KIAA1671: variants seen among roughly 807,000 people sequenced by gnomAD.
KIAA1671 encodes the protein uncharacterized protein KIAA1671.
In KIAA1671, 52 loss-of-function variants were observed where a neutral mutation model predicts 131.2. The observed-to-expected ratio is 0.40, with a 90% CI of 0.32 to 0.50. KIAA1671 has a LOEUF of 0.50. Ranked by LOEUF, KIAA1671 falls within the 20% of genes least tolerant of loss-of-function variation. The pLI is 0.73. For synonymous variants in KIAA1671, 1,003 were observed against 961.6 expected, an observed-to-expected ratio of 1.04 and a Z score of -0.80; for missense variants, 2,360 against 2,364.2, an observed-to-expected ratio of 1.00 and a Z score of 0.04.
At chr22:25,017,387 A>G (rs1925386950) in intron 1 of KIAA1671, among the ~76,000 whole-genome samples, 1 of 152,166 alleles carries the variant, frequency 6.6e-6, no homozygotes, top group African/African-American at 2.4e-5. Context: ...CATCTCAAAC[A>G]AACAAAAAAA....
intron 1 of KIAA1671, among the ~76,000 whole-genome samples, chr22:24,964,462 C>T (rs1922188642): frequency 6.6e-6 from 1 of 152,012 alleles, no homozygotes; most frequent in Non-Finnish European, 1.5e-5. Context: ...TGTTCTGTCA[C>T]CCAGGCTGGG....
intron 1 of KIAA1671, among the ~76,000 whole-genome samples, chr22:24,984,894 C>CAGAGCT (rs1923434585): frequency 8.8e-6 from 1 of 113,036 alleles, no homozygotes; most frequent in South Asian, 3.0e-4. Flanking sequence ...AGCCTGGCGA[C>CAGAGCT]AGAGCTAGAC....
chr22:25,015,265 A>G (rs1464389634), intron 1 of KIAA1671, among the ~76,000 whole-genome samples: 1 of 151,162 alleles, frequency 6.6e-6, no homozygotes, highest in African/African-American at 2.4e-5. Flanking sequence ...AGCAGCAGCA[A>G]CCATAGATAA....
At chr22:25,005,535 G>A (rs1008106075) in intron 1 of KIAA1671, among the ~76,000 whole-genome samples, 4 of 152,094 alleles carry the variant, frequency 2.6e-5, no homozygotes, top group African/African-American at 9.7e-5. Flanking sequence ...AACCACAAGT[G>A]CTCTGTGCCT....
At chr22:25,054,197 G>A (rs1442351267) in intron 6 of KIAA1671, 2 of 147,126 alleles carry the variant, frequency 1.4e-5, no homozygotes, top group African/African-American at 4.9e-5. Context: ...GTTTTAGTGA[G>A]CTGAGTTTTC....
chr22:25,021,881 G>A (rs1304210801), intron 1 of KIAA1671, among the ~76,000 whole-genome samples: 1 of 151,952 alleles, frequency 6.6e-6, no homozygotes, highest in Non-Finnish European at 1.5e-5. Context: ...CCACCTCCCG[G>A]GTTCACGCCA....
intron 1 of KIAA1671, among the ~76,000 whole-genome samples, chr22:24,981,705 CA>C (rs1167647422): frequency 6.6e-6 from 1 of 152,146 alleles, no homozygotes; most frequent in Non-Finnish European, 1.5e-5. Context: ...GCCAGGAGTT[CA>C]AGATCAGCCT....
At chr22:25,000,808 GC>G (rs1300386770) in intron 1 of KIAA1671, among the ~76,000 whole-genome samples, 1 of 145,112 alleles carries the variant, frequency 6.9e-6, no homozygotes, top group Non-Finnish European at 1.5e-5. Context: ...ATGAGCCACT[GC>G]ACCTGGCTTT....
In KIAA1671 at chr22:25,093,722, C is replaced by CTTTCTCTCTCTCTCTCTG. The variant is rs1568950899; in HGVS notation, c.4530+44358_4530+44359insTTTCTCTCTCTCTCTCTG. Among the ~76,000 whole-genome samples the CTTTCTCTCTCTCTCTCTG allele has an allele frequency of 5.1e-4, 63 of 124,284 alleles. 3 individuals carry two copies. The highest frequency in any genetic ancestry group is 2.3e-3 in the African/African-American group (53 of 22,584). The allele number at this position is 124,284 out of a possible 152,430, so 81.5% of individuals were successfully genotyped here. A position where few individuals can be genotyped will look rare whatever the true frequency, so the allele number is the denominator to read the frequency against. On this transcript the variant is annotated intron_variant, in intron 6 of 12. Transcript: ENST00000358431. ...ACACACACACACACACACACACACA[C>CTTTCTCTCTCTCTCTCTG]ACACACACACACACACTCTCTCTCT...
chr22:25,000,614 T>C (rs1331965002), intron 1 of KIAA1671, among the ~76,000 whole-genome samples: 1 of 151,662 alleles, frequency 6.6e-6, no homozygotes, highest in African/African-American at 2.4e-5. Flanking sequence ...CCTCCTGGGT[T>C]CAAACTATTC....
At chr22:25,037,671 T>C (rs1926690226) in intron 4 of KIAA1671, among the ~76,000 whole-genome samples, 1 of 152,104 alleles carries the variant, frequency 6.6e-6, no homozygotes, top group South Asian at 2.1e-4. Flanking sequence ...AGGCATCCAG[T>C]AATCCACTTT....
chr22:25,028,694 T>G lies in KIAA1671; in HGVS notation c.695T>G (p.Val232Gly). 1 of 1,551,190 alleles carries G rather than the reference T, an allele frequency of 6.4e-7. No individual in the cohort carries two copies. Among genetic ancestry groups the G allele is most frequent in the Middle Eastern group, 1.7e-4 (1 of 5,992 alleles). The change falls in exon 3 of 13, where the codon GTG (valine) becomes GGG (glycine). Residue 232 changes from valine (V) to glycine (G), a missense_variant. By Grantham distance (109) the Val-to-Gly change is moderately radical. Transcript: ENST00000358431. Reference sequence around the variant, plus strand: ...GTGGAGGACACGGCACGCCCCCTTGTGGAGCCCAGGCCTCGCCTGAAGAGA... The same window carrying G: ...GTGGAGGACACGGCACGCCCCCTTGGGGAGCCCAGGCCTCGCCTGAAGAGA... ...SSVEDTARPL[V>G]EPRPRLKRRP... is the part of the protein sequence containing the mutation.
chr22:25,020,015 C>A lies in KIAA1671; in HGVS notation c.-207-5618C>A, dbSNP rs1008288581. Among the ~76,000 whole-genome samples the A allele has an allele frequency of 9.2e-5, 14 of 152,276 alleles. No homozygotes were observed. The East Asian group carries it at 2.7e-3, about 29-fold the overall frequency. On this transcript the variant is annotated intron_variant, in intron 1 of 12. Coordinates refer to ENST00000358431, the MANE Select transcript of KIAA1671 (RefSeq NM_001145206.2). ...GGTTAGATAACACTGCAAAGGACAT[C>A]TTTGTGCATATAACTTTTCTTTTGG...
rs896725053 is a variant in KIAA1671 at position 25,195,035 on chromosome 22, A to G, written c.*2634A>G. ...GGAAATCTGTCTTCTTTTTAAACTC[A>G]CTTAATATGCCTTAATCATCTGTGT... On this transcript the variant is annotated 3_prime_UTR_variant, in exon 13 of 13. Transcript: ENST00000358431. 2 of 152,136 alleles carry G rather than the reference A, an allele frequency of 1.3e-5. No individual in the cohort carries two copies. Among genetic ancestry groups the G allele is most frequent in the African/African-American group, 2.4e-5 (1 of 41,424 alleles). The allele number at this position is 152,136 out of a possible 1,614,324, so 9.4% of individuals were successfully genotyped here. A position where few individuals can be genotyped will look rare whatever the true frequency, so the allele number is the denominator to read the frequency against.
intron 6 of KIAA1671, among the ~76,000 whole-genome samples, chr22:25,132,136 A>G (rs980100767): frequency 4.6e-5 from 7 of 152,236 alleles, no homozygotes; most frequent in South Asian, 4.1e-4. Context: ...TTTTAAATCA[A>G]TGCAACTTAA....
chr22:25,093,325 C>G (rs1192046497), intron 6 of KIAA1671, among the ~76,000 whole-genome samples: 2 of 152,108 alleles, frequency 1.3e-5, no homozygotes, highest in African/African-American at 4.8e-5. Flanking sequence ...TCTCATCTTT[C>G]AAGAGGAGAG....
intron 6 of KIAA1671, among the ~76,000 whole-genome samples, chr22:25,126,658 C>A (rs1478776976): frequency 6.6e-6 from 1 of 152,100 alleles, no homozygotes; most frequent in African/African-American, 2.4e-5. Flanking sequence ...TTTTTTGTTA[C>A]AGCTGAGGAA....
intron 4 of KIAA1671, among the ~76,000 whole-genome samples, chr22:25,037,080 T>A (rs1926642498): frequency 6.6e-6 from 1 of 152,164 alleles, no homozygotes; most frequent in Admixed American, 6.5e-5. Context: ...CTCAACACTT[T>A]GGGAGGCTGA....
At chr22:25,082,384 A>G (rs1247842222) in intron 6 of KIAA1671, among the ~76,000 whole-genome samples, 8 of 152,194 alleles carry the variant, frequency 5.3e-5, no homozygotes, top group Non-Finnish European at 1.2e-4. Flanking sequence ...CGCAGAGGCC[A>G]GGCACCTCTG....
Sources: allele counts gnomAD v4.1 joint callset (sites outside exome capture counted in the v4.1 genomes callset), GRCh38; gene constraint gnomAD v4.1.1; transcripts MANE v1.5; gene names NCBI Gene and HGNC (gene_info 2026-07-23, HGNC 2026-07-21).